GRID2: variants seen among roughly 807,000 people sequenced by gnomAD.
The protein encoded by GRID2 is glutamate receptor ionotropic, delta-2.
In GRID2, 33 loss-of-function variants were observed where a neutral mutation model predicts 114.8. The ratio of observed to expected loss-of-function variants is 0.29; its 90% CI spans 0.22 to 0.38. GRID2 has a LOEUF of 0.38. Among genes scored for constraint, GRID2 ranks in the 10% least tolerant of loss-of-function variants. The pLI is 1.00. For missense variants in GRID2, 1,184 were observed against 1,257.7 expected (o/e 0.94, Z 0.89); for synonymous variants, 505 against 449.9 (o/e 1.12, Z -1.55).
chr4:92,773,471 A>C (rs919144421), intron 2 of GRID2, among the ~76,000 whole-genome samples: 2 of 152,152 alleles, frequency 1.3e-5, no homozygotes, highest in African/African-American at 2.4e-5. Context: ...AACAAACATA[A>C]ACTTTTAGTG....
chr4:93,044,097 A>G (rs1309915285), intron 2 of GRID2, among the ~76,000 whole-genome samples: 3 of 152,118 alleles, frequency 2.0e-5, no homozygotes, highest in Non-Finnish European at 4.4e-5. Flanking sequence ...GCAGAAAACC[A>G]ACAAGTATTT....
intron 8 of GRID2, chr4:93,282,396 C>T (rs1474101816): frequency 2.2e-6 from 1 of 449,090 alleles, no homozygotes; most frequent in Non-Finnish European, 4.5e-6. Context: ...CTGGGAAGTT[C>T]AAGATCAAGG....
chr4:92,958,488 T>C (rs1404142166), intron 2 of GRID2, among the ~76,000 whole-genome samples: 1 of 152,120 alleles, frequency 6.6e-6, no homozygotes. Context: ...TTCTGGAATA[T>C]TGAACCAGCC....
chr4:93,469,603 CT>C (rs1238372367), intron 11 of GRID2, among the ~76,000 whole-genome samples: 4 of 152,192 alleles, frequency 2.6e-5, no homozygotes, highest in South Asian at 4.1e-4. Flanking sequence ...CCAAGGCCAA[CT>C]CTTTCCATTT....
At chr4:92,924,354 C>G (rs1047724136) in intron 2 of GRID2, among the ~76,000 whole-genome samples, 9 of 151,512 alleles carry the variant, frequency 5.9e-5, no homozygotes, top group African/African-American at 2.2e-4. Flanking sequence ...ACATATGTAA[C>G]TAACCTGCAC....
chr4:93,509,457 T>TAAC (rs759029328), intron 12 of GRID2, among the ~76,000 whole-genome samples: 46 of 152,186 alleles, frequency 3.0e-4, no homozygotes, highest in African/African-American at 1.1e-3. Context: ...ATCATCATAA[T>TAAC]AACATCAATA....
At chr4:93,179,878 GT>G (rs2149434006) in intron 4 of GRID2, among the ~76,000 whole-genome samples, 1 of 152,200 alleles carries the variant, frequency 6.6e-6, no homozygotes, top group East Asian at 1.9e-4. Flanking sequence ...CTAGGTCCAC[GT>G]TTTGACCTCA....
chr4:93,065,712 A>C (rs539748110), intron 2 of GRID2, among the ~76,000 whole-genome samples: 79 of 151,988 alleles, frequency 5.2e-4, no homozygotes, highest in Non-Finnish European at 1.5e-4. Context: ...GTTTGCATGA[A>C]GCAGGTAGCT....
At chr4:93,128,175 T>G (rs1005848597) in intron 4 of GRID2, among the ~76,000 whole-genome samples, 4 of 152,132 alleles carry the variant, frequency 2.6e-5, no homozygotes, top group Non-Finnish European at 2.9e-5. Context: ...CTAAATTATT[T>G]GTAAGGCGAG....
intron 14 of GRID2, among the ~76,000 whole-genome samples, chr4:93,707,537 A>T (rs1728113551): frequency 6.6e-6 from 1 of 151,492 alleles, no homozygotes; most frequent in African/African-American, 2.4e-5. Context: ...CTACAATATC[A>T]GTTGCAACAT....
intron 8 of GRID2, among the ~76,000 whole-genome samples, chr4:93,302,166 C>T (rs936013489): frequency 6.6e-6 from 1 of 152,140 alleles, no homozygotes; most frequent in Non-Finnish European, 1.5e-5. Flanking sequence ...CTTTAACCAT[C>T]AGATTTTTTC....
At chr4:93,424,465 A>G (rs1263009006) in intron 10 of GRID2, among the ~76,000 whole-genome samples, 1 of 152,130 alleles carries the variant, frequency 6.6e-6, no homozygotes, top group Non-Finnish European at 1.5e-5. Flanking sequence ...CTCTGAATTT[A>G]CAGGGTTTTT....
At chr4:92,643,077 T>A (rs558184528) in intron 2 of GRID2, among the ~76,000 whole-genome samples, 1 of 151,924 alleles carries the variant, frequency 6.6e-6, no homozygotes, top group Non-Finnish European at 1.5e-5. Flanking sequence ...TTTGGTTATT[T>A]GTGCTCTTTT....
intron 1 of GRID2, among the ~76,000 whole-genome samples, chr4:92,314,269 G>C (rs995556087): frequency 2.0e-5 from 3 of 151,884 alleles, no homozygotes; most frequent in Non-Finnish European, 4.4e-5. Flanking sequence ...ATTTTACATA[G>C]TATTGCTATA....
chr4:93,657,673 A>G (rs948634190), intron 14 of GRID2, among the ~76,000 whole-genome samples: 2 of 151,942 alleles, frequency 1.3e-5, no homozygotes, highest in Admixed American at 1.3e-4. Flanking sequence ...CTCTACTTCC[A>G]GTCACTTCTG....
chr4:93,530,502 A>G (rs1156674290), intron 13 of GRID2, among the ~76,000 whole-genome samples: 1 of 151,998 alleles, frequency 6.6e-6, no homozygotes, highest in African/African-American at 2.4e-5. Context: ...CTTTCCCTCC[A>G]TCAGGAATGC....
intron 1 of GRID2, among the ~76,000 whole-genome samples, chr4:92,459,303 C>T (rs1254334987): frequency 6.6e-6 from 1 of 152,046 alleles, no homozygotes; most frequent in Non-Finnish European, 1.5e-5. Flanking sequence ...ATACATATGC[C>T]AAAGTCCACA....
At chr4:92,510,906 G>A (rs1447338844) in intron 1 of GRID2, among the ~76,000 whole-genome samples, 1 of 150,646 alleles carries the variant, frequency 6.6e-6, no homozygotes, top group Non-Finnish European at 1.5e-5. Flanking sequence ...TAAAGAGTGT[G>A]CTTTCTAAAA....
At chr4:92,334,157 A>G (rs1727044577) in intron 1 of GRID2, among the ~76,000 whole-genome samples, 1 of 152,104 alleles carries the variant, frequency 6.6e-6, no homozygotes, top group Non-Finnish European at 1.5e-5. Context: ...TTTTGCAATA[A>G]CTTGTTCCTC....
Sources: allele counts gnomAD v4.1 joint callset (sites outside exome capture counted in the v4.1 genomes callset), GRCh38; gene constraint gnomAD v4.1.1; transcripts MANE v1.5; gene names NCBI Gene and HGNC (gene_info 2026-07-23, HGNC 2026-07-21).